ZYG11B: variants seen among roughly 807,000 people sequenced by gnomAD.
ZYG11B encodes the protein zyg-11 family member B, cell cycle regulator.
In ZYG11B, 36 loss-of-function variants were observed where a neutral mutation model predicts 82.4. The observed-to-expected ratio is 0.44, with a 90% CI of 0.33 to 0.58. The LOEUF (loss-of-function observed/expected upper bound fraction) is 0.58, where lower values mean the gene tolerates loss of function less well. ZYG11B is among the 20% of genes least tolerant of loss of function. The pLI is 0.02. For missense variants in ZYG11B, 552 were observed against 895.6 expected (o/e 0.62, Z 4.90); for synonymous variants, 303 against 312.8 (o/e 0.97, Z 0.33).
chr1:52,782,926 A>G (rs973606009), intron 4 of ZYG11B, among the ~76,000 whole-genome samples: 1 of 123,194 alleles, frequency 8.1e-6, no homozygotes, highest in African/African-American at 3.7e-5. Flanking sequence ...TAGCCTAGGC[A>G]ATTCCTTTTT....
intron 4 of ZYG11B, among the ~76,000 whole-genome samples, chr1:52,780,909 G>C (rs1391089745): frequency 6.6e-6 from 1 of 152,126 alleles, no homozygotes; most frequent in Non-Finnish European, 1.5e-5. Context: ...TTGGGAGGCT[G>C]AGGCAGGTGG....
chr1:52,817,819 T>A (rs867331313), intron 13 of ZYG11B, among the ~76,000 whole-genome samples: 490 of 8,336 alleles, frequency 0.059, no homozygotes, highest in Middle Eastern at 0.5. Flanking sequence ...ATATATATTT[T>A]TTTTTTTTTT....
chr1:52,767,643 C>T (rs981682405), intron 2 of ZYG11B, among the ~76,000 whole-genome samples: 2 of 152,172 alleles, frequency 1.3e-5, no homozygotes, highest in Non-Finnish European at 2.9e-5. Context: ...CACTTGGCTT[C>T]TCTTGACACC....
intron 1 of ZYG11B, among the ~76,000 whole-genome samples, chr1:52,733,478 A>G (rs1157657897): frequency 1.3e-5 from 2 of 152,056 alleles, no homozygotes; most frequent in Non-Finnish European, 2.9e-5. Context: ...GTTCGAGACC[A>G]GCCTGGACAA....
intron 13 of ZYG11B, among the ~76,000 whole-genome samples, chr1:52,819,090 T>C (rs987585311): frequency 6.6e-6 from 1 of 152,188 alleles, no homozygotes; most frequent in African/African-American, 2.4e-5. Flanking sequence ...TCTCTTGTAT[T>C]GTTTGATGAA....
In ZYG11B at chr1:52,791,438, G is replaced by A. The variant is rs188726989; in HGVS notation, c.1334+1371G>A. 6.8e-3 allele frequency among the ~76,000 whole-genome samples: 1,019 copies of A among 150,664 alleles called. 6 individuals carry two copies. The highest frequency in any genetic ancestry group is 0.023 in the African/African-American group (957 of 41,110). ...GGCTGGAGTGCAATGGCGTGATCTC[G>A]GCTCACTGCAACCTCCACTACCTGG... On this transcript the variant is annotated intron_variant, in intron 6 of 13. Transcript: ENST00000294353.
At chr1:52,753,059 G>T (rs918995557) in intron 1 of ZYG11B, among the ~76,000 whole-genome samples, 8 of 152,008 alleles carry the variant, frequency 5.3e-5, no homozygotes, top group Non-Finnish European at 7.4e-5. Context: ...AGTTGGTTAG[G>T]CTGGTCTTGA....
intron 4 of ZYG11B, 137 bp from the exon 5 acceptor site, chr1:52,784,740 T>G (rs965153099): frequency 2.2e-6 from 2 of 911,950 alleles, no homozygotes; most frequent in African/African-American, 3.3e-5. Flanking sequence ...TGCTATATCC[T>G]AGGCTCTTTG....
In ZYG11B at chr1:52,741,155, G is replaced by A. The variant is rs1050602136; in HGVS notation, c.30+14472G>A. Among the ~76,000 whole-genome samples, 10 of 151,652 alleles carry A rather than the reference G, an allele frequency of 6.6e-5. No individual in the cohort carries two copies. In the East Asian group the frequency reaches 1.4e-3, roughly 21 times the overall value. On this transcript the variant is annotated intron_variant, in intron 1 of 13. Coordinates refer to ENST00000294353, the MANE Select transcript of ZYG11B (RefSeq NM_024646.3). ...TCTACTAAAAATACAAAAAGTAGCC[G>A]GGTGTGGTGGCATGCACCTGTAATC...
chr1:52,738,562 G>A (rs1644397041), intron 1 of ZYG11B, among the ~76,000 whole-genome samples: 1 of 150,396 alleles, frequency 6.6e-6, no homozygotes, highest in South Asian at 2.1e-4. Flanking sequence ...TAGCTTTCCA[G>A]TGTCTTAATG....
intron 2 of ZYG11B, among the ~76,000 whole-genome samples, chr1:52,761,732 A>C (rs975003170): frequency 3.9e-5 from 6 of 152,104 alleles, no homozygotes; most frequent in African/African-American, 1.2e-4. Context: ...TGGTAGTTCT[A>C]TTTGTAGTTT....
chr1:52,758,855 C>A (rs1289556169), intron 2 of ZYG11B, among the ~76,000 whole-genome samples: 2 of 152,140 alleles, frequency 1.3e-5, no homozygotes, highest in African/African-American at 4.8e-5. Context: ...CCTTACACAG[C>A]TGCACAACGA....
chr1:52,818,253 G>T (rs1225175197), intron 13 of ZYG11B, among the ~76,000 whole-genome samples: 2 of 151,958 alleles, frequency 1.3e-5, no homozygotes, highest in African/African-American at 2.4e-5. Flanking sequence ...TGAGTGGATC[G>T]CTTGAGCCCG....
chr1:52,793,868 T>C (rs111290119), intron 6 of ZYG11B, among the ~76,000 whole-genome samples: 20 of 95,478 alleles, frequency 2.1e-4, no homozygotes, highest in African/African-American at 7.2e-4. Flanking sequence ...CTTTTCTTTC[T>C]TTCCTTCCTT....
At chr1:52,745,516 T>C (rs1644468463) in intron 1 of ZYG11B, among the ~76,000 whole-genome samples, 1 of 152,196 alleles carries the variant, frequency 6.6e-6, no homozygotes, top group African/African-American at 2.4e-5. Context: ...ATTTACTCTG[T>C]AAGCATAGGG....
In ZYG11B at chr1:52,726,481, C is replaced by T. The variant is rs1356155031; in HGVS notation, c.-173C>T. On this transcript the variant is annotated 5_prime_UTR_variant, in exon 1 of 14. Coordinates refer to ENST00000294353, the MANE Select transcript of ZYG11B (RefSeq NM_024646.3). Reference sequence around the variant, plus strand: ...GTCTGCGCTCTGGTTCGGGCTGCGGCTGCGGCTGCGGCTGCGGCTGCTACT... The same window carrying T: ...GTCTGCGCTCTGGTTCGGGCTGCGGTTGCGGCTGCGGCTGCGGCTGCTACT... The T allele has an allele frequency of 3.7e-6, 2 of 543,640 alleles. No homozygotes were observed. The highest frequency in any genetic ancestry group is 5.6e-6 in the Non-Finnish European group (2 of 358,518). The allele number at this position is 543,640 out of a possible 1,614,324, so 33.7% of individuals were successfully genotyped here.
chr1:52,787,550 T>C (rs1644923892), intron 5 of ZYG11B, among the ~76,000 whole-genome samples: 1 of 152,240 alleles, frequency 6.6e-6, no homozygotes. Flanking sequence ...TAGTATTCAC[T>C]GTATTATTAT....
chr1:52,789,970 AT>A, intron 5 of ZYG11B, 32 bp from the exon 6 acceptor site: 1 of 1,482,040 alleles, frequency 6.7e-7, no homozygotes, highest in Admixed American at 1.9e-5. Context: ...GTGATATTTT[AT>A]TTAGGATTTT....
chr1:52,763,850 C>T (rs1248608293), intron 2 of ZYG11B, among the ~76,000 whole-genome samples: 2 of 152,164 alleles, frequency 1.3e-5, no homozygotes, highest in Non-Finnish European at 2.9e-5. Flanking sequence ...CATGTTCAGC[C>T]TTCTGGTTCA....
Sources: gnomAD v4.1 joint callset for allele counts (sites outside exome capture counted in the v4.1 genomes callset) on GRCh38, gnomAD v4.1.1 for gene constraint, MANE v1.5 for transcripts, NCBI Gene and HGNC (gene_info 2026-07-23, HGNC 2026-07-21) for gene names.